Variants in RAB31 observed in about 807,000 individuals in gnomAD.
RAB31 encodes the protein RAB31, member RAS oncogene family.
Under a neutral mutation model 25.6 loss-of-function variants are expected in RAB31, and 21 were observed. That is an observed-to-expected ratio of 0.82 (90% confidence interval 0.58 to 1.18). The LOEUF is 1.18. RAB31 is among the 50% of genes most tolerant of loss of function. RAB31 has a pLI of 0.00. For missense variants in RAB31, 196 were observed against 250.1 expected, an observed-to-expected ratio of 0.78 and a Z score of 1.46; for synonymous variants, 87 against 84.0, an observed-to-expected ratio of 1.04 and a Z score of -0.20.
In RAB31 at chr18:9,859,445, T is replaced by C; in HGVS notation, c.*120T>C. The stretch of plus-strand genomic sequence containing the variant: ...TTGAGAAGAGTGAGCACACTGGCTT[T>C]GCATCCTGGAAGACCTGCAGGGGGC... On this transcript the variant is annotated 3_prime_UTR_variant, in exon 7 of 7. Transcript: ENST00000578921. 1 of 819,254 alleles carries C rather than the reference T, an allele frequency of 1.2e-6. No individual in the cohort carries two copies. The highest frequency in any genetic ancestry group is 1.9e-6 in the Non-Finnish European group (1 of 529,814). 50.7% of individuals were successfully genotyped at this position (819,254 alleles called of 1,614,324 possible).
chr18:9,805,541 A>G (rs2068535890), intron 3 of RAB31, among the ~76,000 whole-genome samples: 1 of 152,146 alleles, frequency 6.6e-6, no homozygotes, highest in Non-Finnish European at 1.5e-5. Context: ...GGAATGCAAG[A>G]TAATGTCCTC....
intron 1 of RAB31, among the ~76,000 whole-genome samples, chr18:9,763,251 A>G (rs2068298195): frequency 6.6e-6 from 1 of 152,168 alleles, no homozygotes; most frequent in Non-Finnish European, 1.5e-5. Flanking sequence ...GCTAAGGCCT[A>G]ATCAAACATG....
intron 1 of RAB31, among the ~76,000 whole-genome samples, chr18:9,725,810 G>T (rs2068093717): frequency 2.0e-5 from 3 of 152,148 alleles, no homozygotes; most frequent in African/African-American, 7.2e-5. Context: ...GTCATTTCTG[G>T]GAATGTATGA....
At chr18:9,802,719 T>G (rs185815131) in intron 3 of RAB31, among the ~76,000 whole-genome samples, 1 of 152,212 alleles carries the variant, frequency 6.6e-6, no homozygotes, top group Non-Finnish European at 1.5e-5. Flanking sequence ...TGTTTGGAGA[T>G]CATGTGCCCA....
intron 1 of RAB31, among the ~76,000 whole-genome samples, chr18:9,749,403 T>G: frequency 6.6e-6 from 1 of 152,114 alleles, no homozygotes; most frequent in Non-Finnish European, 1.5e-5. Context: ...CAGGAAGAGA[T>G]TTAAGTTCTG....
chr18:9,820,170 A>G (rs1405066435), intron 5 of RAB31, among the ~76,000 whole-genome samples: 1 of 152,078 alleles, frequency 6.6e-6, no homozygotes, highest in Non-Finnish European at 1.5e-5. Flanking sequence ...TAAGTATCAC[A>G]CTAACTGGTT....
At chr18:9,718,541 G>C (rs1197465883) in intron 1 of RAB31, among the ~76,000 whole-genome samples, 1 of 152,224 alleles carries the variant, frequency 6.6e-6, no homozygotes, top group Non-Finnish European at 1.5e-5. Context: ...TTACAGGCAT[G>C]AGCCACTGCA....
chr18:9,793,797 C>T (rs1345782732), intron 3 of RAB31, among the ~76,000 whole-genome samples: 1 of 152,158 alleles, frequency 6.6e-6, no homozygotes, highest in Non-Finnish European at 1.5e-5. Flanking sequence ...AGAATTTTCC[C>T]TTGTCTGATC....
chr18:9,848,605 G>A (rs923712726), intron 6 of RAB31, among the ~76,000 whole-genome samples: 2 of 152,072 alleles, frequency 1.3e-5, no homozygotes, highest in Non-Finnish European at 2.9e-5. Flanking sequence ...TCTTTTCCCT[G>A]TTCCTACTTA....
Position 9,859,269 on chromosome 18 carries a change from A to G in RAB31, c.532A>G (p.Asn178Asp). The change falls in exon 7 of 7, where the codon AAT becomes GAT. Residue 178 changes from asparagine to aspartate, a missense_variant. Transcript: ENST00000578921. ...CTTGGACCCCCATGAAAATGGAAAC[A>G]ATGGAACAATCAAAGTTGAGAAGCC... ...PPLDPHENGN[N>D]GTIKVEKPTM... is the part of the protein sequence containing the mutation. 1 of 1,613,888 alleles carries G rather than the reference A, an allele frequency of 6.2e-7. No individual in the cohort carries two copies. The highest frequency in any genetic ancestry group is 8.5e-7 in the Non-Finnish European group (1 of 1,179,838).
chr18:9,780,259 T>C (rs2068395362), intron 2 of RAB31, among the ~76,000 whole-genome samples: 3 of 151,964 alleles, frequency 2.0e-5, no homozygotes, highest in Non-Finnish European at 4.4e-5. Context: ...TTAGTGTACA[T>C]ACAGTTTTTT....
At chr18:9,728,103 T>A (rs1023127536) in intron 1 of RAB31, among the ~76,000 whole-genome samples, 1 of 152,244 alleles carries the variant, frequency 6.6e-6, no homozygotes, top group Non-Finnish European at 1.5e-5. Flanking sequence ...GTGTATTTTT[T>A]AAGCTATGGT....
rs559824371 is a variant in RAB31, at chr18:9,835,293, AGCTG to A, written c.381-10287_381-10284del. Among the ~76,000 whole-genome samples the A allele has an allele frequency of 7.9e-5, 12 of 152,224 alleles. No individual in the cohort carries two copies. In the East Asian group the frequency reaches 2.3e-3, roughly 29 times the overall value. ...CCAAACTGCCCCGAGAGAAAACGGC[AGCTG>A]GTATGATCCGCTCAGAGGATTTGGA... On this transcript the variant is annotated intron_variant, in intron 5 of 6. Transcript: ENST00000578921.
intron 6 of RAB31, 138 bp downstream of exon 6, chr18:9,845,829 C>T (rs2068759126): frequency 7.6e-7 from 1 of 1,322,518 alleles, no homozygotes; most frequent in Non-Finnish European, 9.9e-7. Flanking sequence ...AAATCTACAG[C>T]TATGCAGTTG....
At chr18:9,805,335 G>C (rs906792494) in intron 3 of RAB31, among the ~76,000 whole-genome samples, 1 of 151,108 alleles carries the variant, frequency 6.6e-6, no homozygotes. Context: ...AATATCTGCA[G>C]ACCTTAATCC....
At chr18:9,814,192 T>G (rs2068589633) in intron 4 of RAB31, 101 bp downstream of exon 4, 2 of 798,352 alleles carry the variant, frequency 2.5e-6, no homozygotes, top group Admixed American at 4.1e-5. Flanking sequence ...GCCAGTAGCG[T>G]GCCACTATAT....
chr18:9,765,004 G>T (rs1346793756), intron 1 of RAB31, among the ~76,000 whole-genome samples: 3 of 151,808 alleles, frequency 2.0e-5, no homozygotes, highest in Non-Finnish European at 2.9e-5. Flanking sequence ...ACCCAGGCTG[G>T]AGTGCAATGC....
intron 3 of RAB31, among the ~76,000 whole-genome samples, chr18:9,801,172 T>C (rs1218216027): frequency 6.6e-6 from 1 of 152,240 alleles, no homozygotes; most frequent in Non-Finnish European, 1.5e-5. Context: ...TTCCATTGTC[T>C]GGATAGACCA....
At chr18:9,841,633 G>A (rs1205481513) in intron 5 of RAB31, among the ~76,000 whole-genome samples, 6 of 152,010 alleles carry the variant, frequency 3.9e-5, no homozygotes, top group Admixed American at 3.9e-4. Flanking sequence ...TGTTCCCATG[G>A]GCTGAGCAGA....
Sources: allele counts gnomAD v4.1 joint callset (sites outside exome capture counted in the v4.1 genomes callset), GRCh38; gene constraint gnomAD v4.1.1; transcripts MANE v1.5; gene names NCBI Gene and HGNC (gene_info 2026-07-23, HGNC 2026-07-21).